TMCC1: variants seen among roughly 807,000 people sequenced by gnomAD.
TMCC1 encodes the protein transmembrane and coiled-coil domain family 1.
TMCC1 carries 15 observed loss-of-function variants against 52.4 expected under a neutral mutation model. That is an observed-to-expected ratio of 0.29 (90% CI 0.19 to 0.44). The LOEUF is 0.44. Among genes scored for constraint, TMCC1 ranks in the 20% least tolerant of loss-of-function variants. TMCC1 has a pLI of 1.00. For synonymous variants in TMCC1, 279 were observed against 301.9 expected, an observed-to-expected ratio of 0.92 and a Z score of 0.79; for missense variants, 503 against 806.0, an observed-to-expected ratio of 0.62 and a Z score of 4.55.
intron 4 of TMCC1, among the ~76,000 whole-genome samples, chr3:129,776,759 C>T (rs192794738): frequency 3.0e-4 from 45 of 152,306 alleles, no homozygotes; most frequent in Non-Finnish European, 6.3e-4. Flanking sequence ...TCCCAAGTAG[C>T]TGGGACTACA....
chr3:129,728,359 C>T (rs748529910), intron 4 of TMCC1, among the ~76,000 whole-genome samples: 8 of 152,246 alleles, frequency 5.3e-5, no homozygotes, highest in South Asian at 4.1e-4. Flanking sequence ...GATCTTGACT[C>T]ACTGCAACCT....
At chr3:129,761,106 A>T (rs1260838290) in intron 4 of TMCC1, among the ~76,000 whole-genome samples, 2 of 151,326 alleles carry the variant, frequency 1.3e-5, no homozygotes, top group Non-Finnish European at 2.9e-5. Flanking sequence ...CGGGCGGATC[A>T]CGAGGTCGGG....
At chr3:129,806,934 G>A (rs1576924383) in intron 4 of TMCC1, among the ~76,000 whole-genome samples, 1 of 152,098 alleles carries the variant, frequency 6.6e-6, no homozygotes, top group Non-Finnish European at 1.5e-5. Flanking sequence ...ACCACTAAAC[G>A]GTAAGTCAGG....
At position 129,648,332 on chromosome 3, in the gene TMCC1, T is replaced by C. The variant is rs1441765615; in HGVS notation, c.*3149A>G. 1 of 152,206 alleles carries C rather than the reference T, an allele frequency of 6.6e-6. No individual in the cohort carries two copies. Among genetic ancestry groups the C allele is most frequent in the South Asian group, 2.1e-4 (1 of 4,834 alleles). The allele number at this position is 152,206 out of a possible 1,614,324, so 9.4% of individuals were successfully genotyped here. A position where few individuals can be genotyped will look rare whatever the true frequency, so the allele number is the denominator to read the frequency against. ...TGAAAATACGCTCATTATTTGGACA[T>C]GGCTAGTGAGGAAGGCTCGCTCCCA... On this transcript the variant is annotated 3_prime_UTR_variant, in exon 7 of 7. Transcript: ENST00000393238.
At position 129,742,223 on chromosome 3, in the gene TMCC1, AATAGAT is replaced by A. The variant is rs144691996; in HGVS notation, c.577-70965_577-70960del. On this transcript the variant is annotated intron_variant, in intron 4 of 6. Transcript: ENST00000393238. ...AAAACATAAACAACAAAAGAAAAAA[AATAGAT>A]ATGATCAAAATTAAAAACTGTTATG... Among the ~76,000 whole-genome samples, 57 of 152,294 alleles carry A rather than the reference AATAGAT, an allele frequency of 3.7e-4. No homozygotes were observed. The East Asian group carries it at 8.3e-3, about 22-fold the overall frequency.
chr3:129,763,257 T>C (rs2053783490), intron 4 of TMCC1, among the ~76,000 whole-genome samples: 1 of 146,298 alleles, frequency 6.8e-6, no homozygotes, highest in Non-Finnish European at 1.5e-5. Context: ...TAAATATCAT[T>C]ATATAGCCAG....
At chr3:129,880,966 C>T (rs1181064423) in intron 1 of TMCC1, among the ~76,000 whole-genome samples, 2 of 151,116 alleles carry the variant, frequency 1.3e-5, no homozygotes, top group East Asian at 1.9e-4. Context: ...CAGGTTCAAG[C>T]GATTCTCCTG....
intron 4 of TMCC1, among the ~76,000 whole-genome samples, chr3:129,825,024 A>G (rs991596308): frequency 3.3e-5 from 5 of 152,166 alleles, no homozygotes; most frequent in African/African-American, 9.7e-5. Context: ...GCTAGCCCAC[A>G]TCCTAATGAC....
intron 4 of TMCC1, among the ~76,000 whole-genome samples, chr3:129,695,036 G>C (rs780051342): frequency 1.7e-5 from 2 of 117,322 alleles, no homozygotes; most frequent in African/African-American, 3.2e-5. Flanking sequence ...GTTGAAATTT[G>C]CTTTGAGTTG....
At chr3:129,879,585 AT>A (rs1222042762) in intron 2 of TMCC1, among the ~76,000 whole-genome samples, 1 of 152,252 alleles carries the variant, frequency 6.6e-6, no homozygotes, top group African/African-American at 2.4e-5. Context: ...CAATAACCCC[AT>A]GAGCTGTGTA....
intron 2 of TMCC1, among the ~76,000 whole-genome samples, chr3:129,845,295 C>T (rs532468076): frequency 6.6e-6 from 1 of 151,726 alleles, no homozygotes; most frequent in East Asian, 1.9e-4. Context: ...TAAATATGAA[C>T]CAATAAGCAA....
chr3:129,812,972 C>A (rs887055049), intron 4 of TMCC1, among the ~76,000 whole-genome samples: 2 of 151,994 alleles, frequency 1.3e-5, no homozygotes, highest in Admixed American at 6.6e-5. Flanking sequence ...GAACTTAAAT[C>A]AGACAACCCT....
At chr3:129,744,309 CCTTTT>C (rs750157075) in intron 4 of TMCC1, among the ~76,000 whole-genome samples, 14 of 152,078 alleles carry the variant, frequency 9.2e-5, no homozygotes, top group Non-Finnish European at 1.9e-4. Flanking sequence ...CTTTCTTTTT[CCTTTT>C]CTAGTTTTAT....
At chr3:129,776,827 T>G (rs2055076815) in intron 4 of TMCC1, among the ~76,000 whole-genome samples, 1 of 151,988 alleles carries the variant, frequency 6.6e-6, no homozygotes, top group African/African-American at 2.4e-5. Flanking sequence ...TAGAGATGGG[T>G]TCTCACTATA....
At chr3:129,840,888 AT>A (rs1389153650) in intron 2 of TMCC1, among the ~76,000 whole-genome samples, 1 of 152,164 alleles carries the variant, frequency 6.6e-6, no homozygotes, top group African/African-American at 2.4e-5. Context: ...AACCCAGAAA[AT>A]TGGTACCAGG....
intron 4 of TMCC1, among the ~76,000 whole-genome samples, chr3:129,763,582 T>G (rs1459427321): frequency 3.4e-5 from 5 of 147,078 alleles, no homozygotes; most frequent in African/African-American, 5.0e-5. Context: ...AAGAAAAAAT[T>G]ATACTTACCC....
intron 4 of TMCC1, among the ~76,000 whole-genome samples, chr3:129,765,497 T>A (rs926649935): frequency 6.6e-6 from 1 of 152,168 alleles, no homozygotes; most frequent in African/African-American, 2.4e-5. Flanking sequence ...CTTATTAGAA[T>A]TATAGAAAAA....
chr3:129,805,191 G>T (rs934923368), intron 4 of TMCC1, among the ~76,000 whole-genome samples: 3 of 152,016 alleles, frequency 2.0e-5, no homozygotes, highest in Non-Finnish European at 4.4e-5. Flanking sequence ...GAGACAGGGT[G>T]TTGCTCTGTC....
chr3:129,847,383 T>C (rs763188491), intron 2 of TMCC1: 3 of 152,230 alleles, frequency 2.0e-5, no homozygotes, highest in Admixed American at 6.5e-5. Context: ...ATGCTCCTAA[T>C]AGTGCTTAAA....
Sources: allele counts gnomAD v4.1 joint callset (sites outside exome capture counted in the v4.1 genomes callset), GRCh38; gene constraint gnomAD v4.1.1; transcripts MANE v1.5; gene names NCBI Gene and HGNC (gene_info 2026-07-23, HGNC 2026-07-21).